CAPN8: variants seen among roughly 807,000 people sequenced by gnomAD.
CAPN8 encodes the protein calpain 8, also known as calpain-8.
In CAPN8, 87 loss-of-function variants were observed where a neutral mutation model predicts 80.9. The ratio of observed to expected loss-of-function variants is 1.07; its 90% CI spans 0.90 to 1.28. CAPN8 has a LOEUF of 1.28. Ranked by LOEUF, CAPN8 falls within the 50% of genes most tolerant of loss-of-function variation. The pLI is 0.00. For missense variants in CAPN8, 757 were observed against 702.0 expected, an observed-to-expected ratio of 1.08 and a Z score of -0.89; for synonymous variants, 299 against 273.8, an observed-to-expected ratio of 1.09 and a Z score of -0.91.
At position 223,618,621 on chromosome 1, in the gene CAPN8, A is replaced by T. The variant is rs74145934; in HGVS notation, c.1135+672T>A. Among the ~76,000 whole-genome samples, 609 of 152,158 alleles carry T rather than the reference A, an allele frequency of 4.0e-3. 9 individuals carry two copies. Among genetic ancestry groups the T allele is most frequent in the African/African-American group, 0.014 (575 of 41,538 alleles). On this transcript the variant is annotated intron_variant, in intron 9 of 20. Coordinates refer to ENST00000366872, the MANE Select transcript of CAPN8 (RefSeq NM_001143962.2). ...GACTGCTAGCCAGCTGGGTGTGGGG[A>T]GGGGAGTGGGGAGGAAGGGGCAAAA...
intron 3 of CAPN8, 102 bp downstream of exon 3, chr1:223,628,560 A>G (rs948145295): frequency 4.8e-6 from 4 of 834,712 alleles, no homozygotes; most frequent in Non-Finnish European, 7.7e-6. Context: ...ATTAAGACAT[A>G]GGTCACTGTG....
intron 2 of CAPN8, among the ~76,000 whole-genome samples, chr1:223,638,209 C>A (rs1657957675): frequency 6.6e-6 from 1 of 152,042 alleles, no homozygotes; most frequent in Admixed American, 6.6e-5. Flanking sequence ...TATAAGTAAT[C>A]CAGAGGTGAT....
At chr1:223,542,491 G>A (rs1352358931) in intron 20 of CAPN8, among the ~76,000 whole-genome samples, 1 of 152,046 alleles carries the variant, frequency 6.6e-6, no homozygotes, top group Non-Finnish European at 1.5e-5. Context: ...AGACAATGGG[G>A]CACAGCCAGT....
intron 17 of CAPN8, 98 bp from the exon 18 acceptor site, chr1:223,544,948 C>T (rs1292427154): frequency 1.3e-6 from 2 of 1,534,280 alleles, no homozygotes; most frequent in East Asian, 4.9e-5. Flanking sequence ...AGGCCAGGGA[C>T]ACTTTCAAAA....
chr1:223,654,992 A>G (rs1658443857), intron 1 of CAPN8, among the ~76,000 whole-genome samples: 1 of 151,902 alleles, frequency 6.6e-6, no homozygotes. Context: ...CCTGGACAGG[A>G]CTAGTGTTTT....
intron 1 of CAPN8, among the ~76,000 whole-genome samples, chr1:223,664,144 T>G (rs1658725839): frequency 6.6e-6 from 1 of 152,186 alleles, no homozygotes; most frequent in Non-Finnish European, 1.5e-5. Flanking sequence ...GTCTAGGTTT[T>G]GGGAGGACTG....
intron 2 of CAPN8, among the ~76,000 whole-genome samples, chr1:223,649,943 A>G (rs1472135523): frequency 6.6e-6 from 1 of 152,120 alleles, no homozygotes; most frequent in East Asian, 1.9e-4. Context: ...CAAGGAACCA[A>G]GTGTCAACTC....
At chr1:223,655,240 C>T (rs1658452869) in intron 1 of CAPN8, among the ~76,000 whole-genome samples, 2 of 152,190 alleles carry the variant, frequency 1.3e-5, no homozygotes, top group Admixed American at 1.3e-4. Context: ...TGCTGATGGA[C>T]ACACTGAAGT....
chr1:223,545,439 G>T (rs753172248), intron 16 of CAPN8, 140 bp from the exon 17 acceptor site: 7 of 1,298,404 alleles, frequency 5.4e-6, no homozygotes, highest in Non-Finnish European at 6.3e-6. Flanking sequence ...TGGGGGTGAC[G>T]GTGTGTAACA....
chr1:223,644,641 A>C (rs996360845), intron 2 of CAPN8, among the ~76,000 whole-genome samples: 1 of 152,130 alleles, frequency 6.6e-6, no homozygotes, highest in Non-Finnish European at 1.5e-5. Context: ...GGGTGAGGGG[A>C]GTGAGAGTTT....
At chr1:223,627,636 C>G (rs1657628879) in intron 4 of CAPN8, among the ~76,000 whole-genome samples, 1 of 152,220 alleles carries the variant, frequency 6.6e-6, no homozygotes, top group Non-Finnish European at 1.5e-5. Flanking sequence ...GAGGAAAGAG[C>G]AGACACTTTG....
Position 223,640,508 on chromosome 1 carries a change from G to A in CAPN8, c.308-11728C>T, listed in dbSNP as rs147199525. ...TCCCACCACCTGCCTTCTTGTCCAG[G>A]TTTCCCATCTCAGGCATCAGAGCCA... On this transcript the variant is annotated intron_variant, in intron 2 of 20. Coordinates refer to ENST00000366872, the MANE Select transcript of CAPN8 (RefSeq NM_001143962.2). 9.9e-3 allele frequency among the ~76,000 whole-genome samples: 1,502 copies of A among 152,216 alleles called. 14 individuals are homozygous for A. The highest frequency in any genetic ancestry group is 0.033 in the African/African-American group (1,360 of 41,522).
chr1:223,551,655 T>C (rs192573344), intron 14 of CAPN8, among the ~76,000 whole-genome samples: 1 of 152,366 alleles, frequency 6.6e-6, no homozygotes, highest in Admixed American at 6.5e-5. Flanking sequence ...TTGAACCAGA[T>C]GTGCCAGAGC....
intron 1 of CAPN8, among the ~76,000 whole-genome samples, chr1:223,659,103 A>G (rs1658571950): frequency 6.6e-6 from 1 of 152,204 alleles, no homozygotes; most frequent in Non-Finnish European, 1.5e-5. Context: ...CATAAATACA[A>G]ATTACTCTAA....
chr1:223,547,288 C>T (rs1162606576), intron 16 of CAPN8, among the ~76,000 whole-genome samples: 5 of 152,118 alleles, frequency 3.3e-5, no homozygotes. Context: ...TTTAACACCC[C>T]ATGGGTGATA....
intron 13 of CAPN8, among the ~76,000 whole-genome samples, chr1:223,554,417 C>T (rs1488233955): frequency 6.6e-6 from 1 of 151,860 alleles, no homozygotes; most frequent in Non-Finnish European, 1.5e-5. Flanking sequence ...CCCAGGAGTT[C>T]GATAGTAGCC....
chr1:223,656,183 A>T (rs910957847), intron 1 of CAPN8, among the ~76,000 whole-genome samples: 2 of 152,002 alleles, frequency 1.3e-5, no homozygotes, highest in Non-Finnish European at 1.5e-5. Context: ...ATTAAAAAAA[A>T]TTTTGCTGGG....
intron 12 of CAPN8, among the ~76,000 whole-genome samples, chr1:223,558,731 G>A (rs1035413793): frequency 1.6e-4 from 24 of 151,780 alleles, no homozygotes; most frequent in African/African-American, 4.3e-4. Context: ...ACTGTATGAT[G>A]TGTGATGTGT....
intron 14 of CAPN8, among the ~76,000 whole-genome samples, chr1:223,551,994 C>T (rs1656799072): frequency 6.6e-6 from 1 of 152,174 alleles, no homozygotes; most frequent in South Asian, 2.1e-4. Context: ...AGGGAAGAGT[C>T]ATCCCTTAAC....
Sources: gnomAD v4.1 joint callset for allele counts (sites outside exome capture counted in the v4.1 genomes callset) on GRCh38, gnomAD v4.1.1 for gene constraint, MANE v1.5 for transcripts, NCBI Gene and HGNC (gene_info 2026-07-23, HGNC 2026-07-21) for gene names.